DCAF8: variants seen among roughly 807,000 people sequenced by gnomAD.
The protein encoded by DCAF8 is DDB1- and CUL4-associated factor 8.
In DCAF8, 20 loss-of-function variants were observed where a neutral mutation model predicts 68.0. That is an observed-to-expected ratio of 0.29 (90% CI 0.21 to 0.43). The LOEUF is 0.43. DCAF8 is among the 20% of genes least tolerant of loss of function. The pLI is 1.00. For synonymous variants in DCAF8, 230 were observed against 276.9 expected (o/e 0.83, Z 1.68); for missense variants, 460 against 771.0 (o/e 0.60, Z 4.78).
At chr1:160,254,370 T>C (rs1321495409) in intron 2 of DCAF8, among the ~76,000 whole-genome samples, 1 of 152,076 alleles carries the variant, frequency 6.6e-6, no homozygotes, top group Non-Finnish European at 1.5e-5. Flanking sequence ...CTTACCAATA[T>C]AGCATAACTA....
At chr1:160,220,845 G>A (rs1324126699) in intron 11 of DCAF8, 24 of 152,186 alleles carry the variant, frequency 1.6e-4, no homozygotes. Context: ...TAGAACTGCT[G>A]AGTCTACTAC....
intron 7 of DCAF8, among the ~76,000 whole-genome samples, chr1:160,226,060 C>T (rs1260010510): frequency 1.3e-5 from 2 of 152,090 alleles, no homozygotes; most frequent in Admixed American, 6.6e-5. Context: ...CCAGGCAAAC[C>T]CTTAAATCCT....
rs1656056019 is a variant in DCAF8, at chr1:160,240,217, T to C, written c.203A>G (p.Asp68Gly). Reference protein sequence around the residue: ...NRTSTESRGTDTESSGEDKDS... With the variant: ...NRTSTESRGTGTESSGEDKDS... ...CTTATCTTCACCTGAGCTCTCTGTGTCTGTGCCTCGACTTTCTGTGCTGGT... is the reference window on the plus strand; with the variant it reads ...CTTATCTTCACCTGAGCTCTCTGTGCCTGTGCCTCGACTTTCTGTGCTGGT... Residue 68 changes from aspartate (D) to glycine (G), a missense_variant, in exon 4 of 14, where the codon GAC (aspartate) becomes GGC (glycine). Physicochemically the swap from Asp to Gly is moderately conservative, Grantham distance 94 (BLOSUM62 -1). This residue lies in a region of DCAF8 where 156 missense variants were observed against 181.4 expected (regional missense o/e 0.86). Coordinates refer to ENST00000368074, the MANE Select transcript of DCAF8 (RefSeq NM_015726.4). 2 of 1,614,038 alleles carry C rather than the reference T, an allele frequency of 1.2e-6. No homozygotes were observed. Among genetic ancestry groups the C allele is most frequent in the Non-Finnish European group, 1.7e-6 (2 of 1,180,030 alleles).
Position 160,218,974 on chromosome 1 carries a change from C to A in DCAF8, c.1441-6G>T. 1 of 1,613,914 alleles carries A rather than the reference C, an allele frequency of 6.2e-7. No homozygotes were observed. The highest frequency in any genetic ancestry group is 1.1e-5 in the South Asian group (1 of 91,032). On this transcript the variant is annotated splice_region_variant and splice_polypyrimidine_tract_variant and intron_variant, in intron 11 of 13. Coordinates refer to ENST00000368074, the MANE Select transcript of DCAF8 (RefSeq NM_015726.4). ...TGGGGCTCAAGACAGTTTACCTGGT[C>A]AGGAAGAAAGGAAAACACAGACTCA...
Position 160,250,479 on chromosome 1 carries a change from A to C in DCAF8, c.-26-6445T>G, listed in dbSNP as rs958881684. ...GAAACTGTCTCAAAAAAAAAAAAAAAAAAAAAACAGGATGAGAGAAGAGTG... is the reference window on the plus strand; with the variant it reads ...GAAACTGTCTCAAAAAAAAAAAAAACAAAAAAACAGGATGAGAGAAGAGTG... On this transcript the variant is annotated intron_variant, in intron 2 of 13. Transcript: ENST00000368074. Among the ~76,000 whole-genome samples the C allele has an allele frequency of 1.6e-4, 24 of 151,660 alleles. No homozygotes were observed. In the East Asian group the frequency reaches 1.9e-3, roughly 12 times the overall value.
intron 6 of DCAF8, 35 bp downstream of exon 6, chr1:160,237,100 A>T: frequency 7.0e-7 from 1 of 1,431,742 alleles, no homozygotes; most frequent in South Asian, 1.3e-5. Context: ...AGGCTAAGAG[A>T]TACAGTTCTG....
At chr1:160,234,093 G>C (rs1291521459) in intron 6 of DCAF8, among the ~76,000 whole-genome samples, 1 of 152,076 alleles carries the variant, frequency 6.6e-6, no homozygotes, top group Admixed American at 6.5e-5. Flanking sequence ...TTTTTCCTAA[G>C]ATGTTAGTCA....
chr1:160,228,597 C>T (rs1655556301), intron 7 of DCAF8, among the ~76,000 whole-genome samples: 3 of 147,458 alleles, frequency 2.0e-5, no homozygotes, highest in Admixed American at 7.0e-5. Flanking sequence ...ACACCTATAC[C>T]TCCTCTACTT....
chr1:160,218,396 G>A lies in DCAF8; in HGVS notation c.1605C>T (p.His535=). Residue 535 remains histidine (H), a synonymous_variant, in exon 13 of 14, where the codon CAC becomes CAT. Transcript: ENST00000368074. ...TGTGACTATCAAACAGGTCAGTTTG[G>A]TGCAAGCTATCTTCATCCCGCTCCC... The part of the protein sequence containing the change: ...NKRERDEDSL[H]QTDLFDSHML... 6.2e-7 allele frequency: 1 copy of A among 1,614,172 alleles called. No homozygotes were observed. Among genetic ancestry groups the A allele is most frequent in the Non-Finnish European group, 8.5e-7 (1 of 1,180,024 alleles).
At chr1:160,247,117 C>A (rs934634666) in intron 2 of DCAF8, among the ~76,000 whole-genome samples, 4 of 152,186 alleles carry the variant, frequency 2.6e-5, no homozygotes, top group African/African-American at 9.7e-5. Context: ...CTTTGATCAA[C>A]TTTCATGTAA....
chr1:160,255,244 C>A (rs1656784234), intron 2 of DCAF8, among the ~76,000 whole-genome samples: 1 of 152,310 alleles, frequency 6.6e-6, no homozygotes, highest in East Asian at 1.9e-4. Context: ...TACCCAGGAA[C>A]CCACAATATA....
chr1:160,250,476 A>C (rs1000051537), intron 2 of DCAF8, among the ~76,000 whole-genome samples: 88 of 151,698 alleles, frequency 5.8e-4, no homozygotes, highest in African/African-American at 2.1e-3. Context: ...AAAAAAAAAA[A>C]AAAAAAAAAA....
chr1:160,259,804 A>G (rs1200733227), intron 2 of DCAF8, among the ~76,000 whole-genome samples: 1 of 152,218 alleles, frequency 6.6e-6, no homozygotes, highest in Non-Finnish European at 1.5e-5. Flanking sequence ...AGAGAGTCCA[A>G]GATGAAGGAA....
intron 11 of DCAF8, chr1:160,220,777 G>A (rs768410733): frequency 2.0e-4 from 30 of 152,128 alleles, no homozygotes; most frequent in Admixed American, 3.9e-4. Context: ...TAAGATCTTT[G>A]GTTCTAACAT....
intron 11 of DCAF8, among the ~76,000 whole-genome samples, chr1:160,221,517 A>T (rs1655295944): frequency 6.6e-6 from 1 of 152,206 alleles, no homozygotes; most frequent in Non-Finnish European, 1.5e-5. Context: ...CCCTTTCACC[A>T]GGGCAAGAAA....
intron 11 of DCAF8, chr1:160,220,793 G>A (rs747785917): frequency 1.3e-5 from 2 of 152,204 alleles, no homozygotes; most frequent in African/African-American, 2.4e-5. Context: ...AACATTCTAC[G>A]TTACAATTAC....
At chr1:160,238,853 G>T in intron 4 of DCAF8, 106 bp from the exon 5 acceptor site, 1 of 1,204,730 alleles carries the variant, frequency 8.3e-7, no homozygotes, top group Non-Finnish European at 1.1e-6. Flanking sequence ...TTTCTTACAT[G>T]ACAGCTGGAA....
chr1:160,232,523 C>A (rs190511166), intron 6 of DCAF8, among the ~76,000 whole-genome samples: 2 of 152,190 alleles, frequency 1.3e-5, no homozygotes, highest in East Asian at 3.9e-4. Flanking sequence ...CACCTGTAAT[C>A]CCAGCTACTT....
intron 3 of DCAF8, 89 bp downstream of exon 3, chr1:160,243,871 T>C (rs1188187406): frequency 3.7e-6 from 5 of 1,359,548 alleles, no homozygotes; most frequent in Non-Finnish European, 5.2e-6. Flanking sequence ...CTCTCTCCAC[T>C]AAAATCCAGG....
Sources: allele counts gnomAD v4.1 joint callset (sites outside exome capture counted in the v4.1 genomes callset), GRCh38; gene constraint gnomAD v4.1.1; regional missense constraint gnomAD v4.1.1; transcripts MANE v1.5; gene names NCBI Gene and HGNC (gene_info 2026-07-23, HGNC 2026-07-21).